Variants in BROX observed in about 807,000 individuals in gnomAD.
BROX encodes the protein BRO1 domain-containing protein BROX.
Under a neutral mutation model 61.0 loss-of-function variants are expected in BROX, and 53 were observed. The ratio of observed to expected loss-of-function variants is 0.87; its 90% CI spans 0.70 to 1.09. BROX has a LOEUF of 1.09. BROX is among the 50% of genes least tolerant of loss of function. BROX has a pLI of 0.00. For synonymous variants in BROX, 152 were observed against 160.2 expected (o/e 0.95, Z 0.38); for missense variants, 489 against 472.0 (o/e 1.04, Z -0.33).
rs1558224829 is a variant in BROX at position 222,715,692 on chromosome 1, T to C, written c.-8T>C. 1 of 1,462,976 alleles carries C rather than the reference T, an allele frequency of 6.8e-7. No individual in the cohort carries two copies. The highest frequency in any genetic ancestry group is 1.6e-5 in the South Asian group (1 of 62,850). 90.6% of individuals were successfully genotyped at this position (1,462,976 alleles called of 1,614,324 possible). ...TACTTTTTTGTCTATAGAAAACATC[T>C]GGAGAAAATGACCCATTGGTTTCAT... On this transcript the variant is annotated 5_prime_UTR_variant, in exon 2 of 13. Transcript: ENST00000340934.
In BROX at chr1:222,727,226, G is replaced by C. The variant is rs764950848; in HGVS notation, c.639G>C (p.Ala213=). 5.6e-6 allele frequency: 9 copies of C among 1,612,894 alleles called. No individual in the cohort carries two copies. The highest frequency in any genetic ancestry group is 2.2e-5 in the East Asian group (1 of 44,842). ...CTCCTGGACTAATTGCTGCACTGGC[G>C]TATGAAACAGCCAATTTCTATCAAA... ...KHAPGLIAAL[A]YETANFYQKA... Residue 213 remains alanine (A), a synonymous_variant, in exon 8 of 13, where the codon GCG becomes GCC. Transcript: ENST00000340934.
In BROX at chr1:222,725,477, C is replaced by G. The variant is rs1424738786; in HGVS notation, c.502C>G (p.Pro168Ala). Residue 168 changes from proline to alanine, a missense_variant, in exon 7 of 13, where the codon CCT (proline) becomes GCT (alanine). Physicochemically the swap from Pro to Ala is conservative, Grantham distance 27. Transcript: ENST00000340934. The stretch of plus-strand genomic sequence containing the variant: ...AAGTCATCTCCCAAAACTCATTACA[C>G]CTGCGGAAAAAGGAAGAGATTTAGA... ...KESHLPKLIT[P>A]AEKGRDLESR... 6.2e-7 allele frequency: 1 copy of G among 1,611,906 alleles called. No individual in the cohort carries two copies. Among genetic ancestry groups the G allele is most frequent in the Non-Finnish European group, 8.5e-7 (1 of 1,179,226 alleles).
At chr1:222,729,350 A>T (rs1270996594) in intron 9 of BROX, among the ~76,000 whole-genome samples, 2 of 152,168 alleles carry the variant, frequency 1.3e-5, no homozygotes, top group Non-Finnish European at 2.9e-5. Flanking sequence ...TAGCACAATA[A>T]TTTCCTCCTT....
intron 4 of BROX, among the ~76,000 whole-genome samples, chr1:222,721,218 C>T (rs1466887245): frequency 1.3e-5 from 2 of 151,972 alleles, no homozygotes; most frequent in Non-Finnish European, 2.9e-5. Flanking sequence ...AGTTTCAGTG[C>T]AGAAAATAAT....
chr1:222,722,234 A>G (rs1002418215), intron 4 of BROX, among the ~76,000 whole-genome samples, 185 bp from the exon 5 acceptor site: 2 of 152,138 alleles, frequency 1.3e-5, no homozygotes, highest in Admixed American at 6.6e-5. Context: ...GGACCATTAT[A>G]CTTAGCCATT....
chr1:222,723,605 A>G (rs1657268570), intron 5 of BROX, among the ~76,000 whole-genome samples: 1 of 152,170 alleles, frequency 6.6e-6, no homozygotes, highest in African/African-American at 2.4e-5. Flanking sequence ...AAAATCCTTT[A>G]CAGTTTTTAC....
rs532711420 is a variant in BROX at position 222,732,214 on chromosome 1, A to AATT, written c.1150-399_1150-397dup. On this transcript the variant is annotated intron_variant, in intron 12 of 12. Coordinates refer to ENST00000340934, the MANE Select transcript of BROX (RefSeq NM_144695.4). ...GTCTAAGCTTTAGGGTTCTTTTCTT[A>AATT]ATTATTATTATTATTATACTTTAAG... Among the ~76,000 whole-genome samples the AATT allele has an allele frequency of 8.5e-4, 129 of 151,822 alleles. 1 individual carries two copies. In the East Asian group the frequency reaches 0.011, roughly 13 times the overall value.
chr1:222,715,945 T>C, intron 2 of BROX, 145 bp downstream of exon 2: 1 of 562,798 alleles, frequency 1.8e-6, no homozygotes, highest in Non-Finnish European at 3.1e-6. Flanking sequence ...TATTTAAATT[T>C]GGCAGTCTTC....
rs865854387 is a variant in BROX, at chr1:222,732,639, A to G, written c.1161A>G (p.Lys387=). The G allele has an allele frequency of 1.2e-6, 2 of 1,613,618 alleles. No individual in the cohort carries two copies. Among genetic ancestry groups the G allele is most frequent in the African/African-American group, 2.7e-5 (2 of 75,046 alleles). Residue 387 remains lysine (K), a synonymous_variant, in exon 13 of 13, where the codon AAA becomes AAG. Coordinates refer to ENST00000340934, the MANE Select transcript of BROX (RefSeq NM_144695.4). The stretch of plus-strand genomic sequence containing the variant: ...TTTTTTCTCCCTAGACTAAACCCAA[A>G]CCAGAAGAAGAAGTGAAACCTGTGA... The part of the protein sequence containing the change: ...KRPKDDSTKP[K]PEEEVKPVKE...
chr1:222,716,961 G>A (rs1389006877), intron 2 of BROX, among the ~76,000 whole-genome samples: 3 of 152,200 alleles, frequency 2.0e-5, no homozygotes, highest in African/African-American at 7.2e-5. Context: ...GTCTATATGA[G>A]ATACAGAATC....
intron 5 of BROX, among the ~76,000 whole-genome samples, chr1:222,723,467 CTT>C (rs934271404): frequency 6.6e-6 from 1 of 151,842 alleles, no homozygotes; most frequent in Admixed American, 6.6e-5. Flanking sequence ...GTTAGGGTCT[CTT>C]TTTTTTCATT....
In BROX at chr1:222,719,247, T is replaced by C; in HGVS notation, c.209-16T>C. On this transcript the variant is annotated splice_polypyrimidine_tract_variant and intron_variant, in intron 3 of 12. Coordinates refer to ENST00000340934, the MANE Select transcript of BROX (RefSeq NM_144695.4). ...CTAATTCTTCTAAAACTAAAATGTC[T>C]TGTACTTTTCTATAGGTTTCATAAA... The C allele has an allele frequency of 6.5e-7, 1 of 1,528,996 alleles. No individual in the cohort carries two copies. Among genetic ancestry groups the C allele is most frequent in the South Asian group, 1.1e-5 (1 of 87,986 alleles). The allele number at this position is 1,528,996 out of a possible 1,614,324, so 94.7% of individuals were successfully genotyped here. A position where few individuals can be genotyped will look rare whatever the true frequency, so the allele number is the denominator to read the frequency against.
At position 222,731,116 on chromosome 1, in the gene BROX, G is replaced by C. The variant is rs76527972; in HGVS notation, c.990-241G>C. On this transcript the variant is annotated intron_variant, in intron 11 of 12. Coordinates refer to ENST00000340934, the MANE Select transcript of BROX (RefSeq NM_144695.4). ...ATCACTTCCTTCGGAAAGAGTCACT[G>C]AACTTAATTCTGGGTTAATTCCCCT... 2.7e-3 allele frequency among the ~76,000 whole-genome samples: 418 copies of C among 152,218 alleles called. 3 individuals are homozygous for C. Among genetic ancestry groups the C allele is most frequent in the African/African-American group, 9.7e-3 (403 of 41,520 alleles).
chr1:222,728,919 A>G, intron 9 of BROX, 91 bp downstream of exon 9: 1 of 860,448 alleles, frequency 1.2e-6, no homozygotes. Flanking sequence ...GTCTTTCATT[A>G]GCATTTTACA....
chr1:222,730,771 T>G (rs1269036925), intron 11 of BROX, among the ~76,000 whole-genome samples: 1 of 152,156 alleles, frequency 6.6e-6, no homozygotes, highest in Non-Finnish European at 1.5e-5. Flanking sequence ...GTGTCCTCAT[T>G]TTCTCTTAAC....
chr1:222,723,624 T>C (rs1259314061), intron 5 of BROX, among the ~76,000 whole-genome samples: 1 of 152,242 alleles, frequency 6.6e-6, no homozygotes, highest in African/African-American at 2.4e-5. Context: ...ACTAATTTCC[T>C]ATAAACGTAC....
At chr1:222,714,407 C>T (rs964674112) in intron 1 of BROX, among the ~76,000 whole-genome samples, 1 of 151,308 alleles carries the variant, frequency 6.6e-6, no homozygotes, top group Non-Finnish European at 1.5e-5. Context: ...ACCGTGTTAG[C>T]CAGGATGGTC....
intron 4 of BROX, 49 bp downstream of exon 4, chr1:222,719,408 T>C (rs1656894852): frequency 7.6e-7 from 1 of 1,309,890 alleles, no homozygotes; most frequent in Non-Finnish European, 1.1e-6. Flanking sequence ...TTTGTAACTA[T>C]GTAGCCAGTG....
chr1:222,730,781 C>T (rs144243069), intron 11 of BROX, among the ~76,000 whole-genome samples: 16 of 152,264 alleles, frequency 1.1e-4, no homozygotes, highest in African/African-American at 3.6e-4. Context: ...TTTCTCTTAA[C>T]TCTGTTTCCC....
Sources: gnomAD v4.1 joint callset for allele counts (sites outside exome capture counted in the v4.1 genomes callset) on GRCh38, gnomAD v4.1.1 for gene constraint, MANE v1.5 for transcripts, NCBI Gene and HGNC (gene_info 2026-07-23, HGNC 2026-07-21) for gene names.